The following SPATA6 variants were observed in gnomAD, a reference collection of about 807,000 sequenced individuals.
SPATA6 encodes spermatogenesis-associated protein 6.
In SPATA6, 56 loss-of-function variants were observed where a neutral mutation model predicts 65.3. The ratio of observed to expected loss-of-function variants is 0.86; its 90% CI spans 0.69 to 1.07. SPATA6 has a LOEUF of 1.07. SPATA6 is among the 50% of genes least tolerant of loss of function. SPATA6 has a pLI of 0.00. For synonymous variants in SPATA6, 199 were observed against 213.2 expected (o/e 0.93, Z 0.58); for missense variants, 590 against 594.8 (o/e 0.99, Z 0.08).
intron 9 of SPATA6, among the ~76,000 whole-genome samples, chr1:48,377,538 T>A (rs771160713): frequency 5.9e-5 from 9 of 152,258 alleles, no homozygotes; most frequent in Non-Finnish European, 1.0e-4. Context: ...GGTCAAACCA[T>A]CTCAGTACAT....
At chr1:48,404,897 A>G (rs1651552915) in intron 5 of SPATA6, among the ~76,000 whole-genome samples, 1 of 152,210 alleles carries the variant, frequency 6.6e-6, no homozygotes, top group Non-Finnish European at 1.5e-5. Context: ...AATATTTGGA[A>G]GCACACAATT....
At chr1:48,412,814 T>G (rs1652376246) in intron 4 of SPATA6, among the ~76,000 whole-genome samples, 1 of 152,110 alleles carries the variant, frequency 6.6e-6, no homozygotes, top group African/African-American at 2.4e-5. Flanking sequence ...AGACGGGGTT[T>G]CACCATGTTG....
intron 11 of SPATA6, among the ~76,000 whole-genome samples, chr1:48,331,306 C>G (rs1187568039): frequency 1.3e-5 from 2 of 151,750 alleles, no homozygotes; most frequent in Non-Finnish European, 2.9e-5. Flanking sequence ...ACTGCTGAAA[C>G]CCAATGCAAG....
At chr1:48,384,717 A>G (rs1015645388) in intron 9 of SPATA6, among the ~76,000 whole-genome samples, 1 of 152,154 alleles carries the variant, frequency 6.6e-6, no homozygotes, top group Non-Finnish European at 1.5e-5. Flanking sequence ...CCTCTCTACC[A>G]TTACTTCTCA....
intron 10 of SPATA6, among the ~76,000 whole-genome samples, chr1:48,358,153 A>C (rs1646709241): frequency 1.3e-5 from 2 of 152,110 alleles, no homozygotes; most frequent in South Asian, 4.1e-4. Context: ...TCATCGATGA[A>C]GAATTTTTGA....
the SPATA6 span, among the ~76,000 whole-genome samples, chr1:48,273,774 G>A: frequency 6.6e-6 from 1 of 152,146 alleles, no homozygotes; most frequent in Non-Finnish European, 1.5e-5. Context: ...CCAAGTGTTT[G>A]CTATTGTGAA....
the SPATA6 span, among the ~76,000 whole-genome samples, chr1:48,264,444 C>T: frequency 9.9e-5 from 15 of 152,088 alleles, no homozygotes; most frequent in Non-Finnish European, 1.8e-4. Flanking sequence ...TAGGTACACA[C>T]GTACCATGGT....
intron 11 of SPATA6, chr1:48,325,904 G>A (rs1645745581): frequency 3.1e-6 from 1 of 319,990 alleles, no homozygotes; most frequent in South Asian, 4.2e-5. Flanking sequence ...TGGTAGGCAA[G>A]TGCAGTATGG....
At chr1:48,400,125 T>C (rs770627081) in intron 6 of SPATA6, among the ~76,000 whole-genome samples, 3 of 151,796 alleles carry the variant, frequency 2.0e-5, no homozygotes, top group Non-Finnish European at 4.4e-5. Flanking sequence ...GCTATAATTA[T>C]ATATATATCT....
intron 11 of SPATA6, among the ~76,000 whole-genome samples, chr1:48,316,013 C>T (rs1645405269): frequency 6.6e-6 from 1 of 152,146 alleles, no homozygotes; most frequent in Admixed American, 6.6e-5. Context: ...GAACTACAAA[C>T]CACTGCTCAA....
chr1:48,471,942 C>A lies in SPATA6; in HGVS notation c.51+16G>T. 1 of 1,609,486 alleles carries A rather than the reference C, an allele frequency of 6.2e-7. No homozygotes were observed. The highest frequency in any genetic ancestry group is 8.5e-7 in the Non-Finnish European group (1 of 1,179,090). On this transcript the variant is annotated intron_variant, in intron 1 of 12. Transcript: ENST00000371847. ...TGAGCCAATGCCCGGGGGTGGGAGG[C>A]GCTACCGGTACTCACTGAGCTGATC...
intron 3 of SPATA6, among the ~76,000 whole-genome samples, chr1:48,445,421 T>C (rs985647980): frequency 3.3e-5 from 5 of 151,912 alleles, no homozygotes; most frequent in Admixed American, 1.3e-4. Context: ...CCCAGCACTT[T>C]GGGAGGCCAA....
chr1:48,371,308 T>C (rs917806179), intron 9 of SPATA6, among the ~76,000 whole-genome samples: 2 of 150,812 alleles, frequency 1.3e-5, no homozygotes, highest in African/African-American at 5.0e-5. Context: ...GATAGATAGA[T>C]AGATAGATAT....
chr1:48,316,437 A>G (rs1365172708), intron 11 of SPATA6, among the ~76,000 whole-genome samples: 1 of 152,218 alleles, frequency 6.6e-6, no homozygotes, highest in Admixed American at 6.5e-5. Flanking sequence ...TGGGGAAAGG[A>G]TTCCCTATTT....
chr1:48,325,464 C>T (rs745526095), intron 11 of SPATA6: 23 of 1,213,450 alleles, frequency 1.9e-5, no homozygotes, highest in East Asian at 7.0e-5. Context: ...GTTCCTGAAT[C>T]GACAAACTGA....
At chr1:48,264,710 A>G in the SPATA6 span, among the ~76,000 whole-genome samples, 6 of 152,132 alleles carry the variant, frequency 3.9e-5, no homozygotes, top group Middle Eastern at 6.3e-3. Flanking sequence ...ATCCTTTTCT[A>G]TGGTTGCATA....
the SPATA6 span, among the ~76,000 whole-genome samples, chr1:48,289,650 C>T: frequency 1.3e-5 from 2 of 152,178 alleles, no homozygotes; most frequent in Non-Finnish European, 2.9e-5. Context: ...TAGAGAAGAT[C>T]TTAAATGACC....
intron 7 of SPATA6, among the ~76,000 whole-genome samples, chr1:48,398,660 A>G (rs1375503229): frequency 3.3e-5 from 5 of 151,824 alleles, no homozygotes; most frequent in Non-Finnish European, 7.4e-5. Flanking sequence ...AAAATACTTC[A>G]TAGAAATTCA....
intron 3 of SPATA6, among the ~76,000 whole-genome samples, chr1:48,423,564 C>CTTTTTTTTT (rs781669150): frequency 6.0e-4 from 73 of 121,038 alleles, no homozygotes; most frequent in African/African-American, 8.2e-4. Context: ...TTCTTTCTTT[C>CTTTTTTTTT]TTTTTTTTTT....
Sources: allele counts gnomAD v4.1 joint callset (sites outside exome capture counted in the v4.1 genomes callset), GRCh38; gene constraint gnomAD v4.1.1; transcripts MANE v1.5; gene names NCBI Gene and HGNC (gene_info 2026-07-23, HGNC 2026-07-21).